The following MTRF1L variants were observed in gnomAD, a reference collection of about 807,000 sequenced individuals.
MTRF1L encodes the protein peptide chain release factor 1-like, mitochondrial.
A neutral mutation model predicts 40.0 loss-of-function variants in MTRF1L; 29 were observed. That is an observed-to-expected ratio of 0.73 (90% confidence interval 0.54 to 0.99). The LOEUF is 0.99. MTRF1L is among the 50% of genes least tolerant of loss of function. The probability of loss-of-function intolerance (pLI) is 0.00; values close to 1 mark genes in which losing one functional copy is unlikely to be tolerated. For synonymous variants in MTRF1L, 150 were observed against 175.8 expected, an observed-to-expected ratio of 0.85 and a Z score of 1.16; for missense variants, 412 against 464.5, an observed-to-expected ratio of 0.89 and a Z score of 1.04.
At chr6:152,991,372 C>A in intron 5 of MTRF1L, 51 bp from the exon 6 acceptor site, 2 of 1,496,464 alleles carry the variant, frequency 1.3e-6, no homozygotes, top group Non-Finnish European at 1.8e-6. Context: ...ATCTTCTTTA[C>A]TTATTATCAA....
intron 4 of MTRF1L, 35 bp from the exon 5 acceptor site, chr6:152,993,009 A>G (rs749672973): frequency 2.6e-6 from 4 of 1,515,786 alleles, no homozygotes; most frequent in Admixed American, 3.3e-5. Flanking sequence ...TTAAAAGATT[A>G]CATGTATCAA....
chr6:152,993,049 G>T, intron 4 of MTRF1L, 75 bp from the exon 5 acceptor site: 2 of 1,037,714 alleles, frequency 1.9e-6, no homozygotes, highest in African/African-American at 1.6e-5. Flanking sequence ...ACCCATTTAT[G>T]AATATACAAC....
chr6:153,002,512 C>T lies in MTRF1L; in HGVS notation c.174G>A (p.Lys58=), dbSNP rs1210350079. ...CCGCCAGCAACTCGGGCCTCCTGAC[C>T]TTCAAATGGGCTTCAGACCCCGCCT... ...ERQAGSEAHL[K]VRRPELLAVI... The change falls in exon 1 of 7, where the codon AAG becomes AAA. Residue 58 remains lysine (K), a synonymous_variant. Transcript: ENST00000367233. 4 of 1,612,666 alleles carry T rather than the reference C, an allele frequency of 2.5e-6. No homozygotes were observed. Among genetic ancestry groups the T allele is most frequent in the Admixed American group, 3.3e-5 (2 of 59,974 alleles).
At chr6:152,997,520 C>A (rs530578222) in intron 2 of MTRF1L, among the ~76,000 whole-genome samples, 110 of 152,140 alleles carry the variant, frequency 7.2e-4, no homozygotes, top group Admixed American at 3.3e-3. Context: ...ATCCTGGAGA[C>A]AAAGTACAAT....
At chr6:152,993,135 T>G (rs1404381596) in intron 4 of MTRF1L, among the ~76,000 whole-genome samples, 161 bp from the exon 5 acceptor site, 1 of 152,156 alleles carries the variant, frequency 6.6e-6, no homozygotes, top group Non-Finnish European at 1.5e-5. Context: ...TTTTAAAACT[T>G]TTTTGCTTTT....
chr6:152,996,894 G>C (rs1304657080), intron 2 of MTRF1L, among the ~76,000 whole-genome samples: 1 of 152,140 alleles, frequency 6.6e-6, no homozygotes, highest in Non-Finnish European at 1.5e-5. Flanking sequence ...TCAAGAAGTT[G>C]TATTTCAAAG....
chr6:153,001,757 C>T (rs963912218), intron 1 of MTRF1L, among the ~76,000 whole-genome samples: 3 of 152,224 alleles, frequency 2.0e-5, no homozygotes, highest in Admixed American at 6.5e-5. Flanking sequence ...ATTGTTTCAA[C>T]TGCCTCCTCC....
chr6:152,996,942 T>C (rs989493747), intron 2 of MTRF1L, among the ~76,000 whole-genome samples: 1 of 152,204 alleles, frequency 6.6e-6, no homozygotes, highest in African/African-American at 2.4e-5. Flanking sequence ...TAACTTGTTA[T>C]AACAAGTCAC....
At chr6:152,993,361 G>GT (rs1211691815) in intron 4 of MTRF1L, among the ~76,000 whole-genome samples, 23 of 151,900 alleles carry the variant, frequency 1.5e-4, no homozygotes, top group Non-Finnish European at 2.6e-4. Flanking sequence ...AAATGGTAGC[G>GT]TGAGAACTGT....
intron 1 of MTRF1L, among the ~76,000 whole-genome samples, chr6:152,999,483 G>C (rs62436127): frequency 0.13 from 19,587 of 152,092 alleles, 1,413 homozygotes; most frequent in Admixed American, 0.17. Flanking sequence ...TTCTAGAAGA[G>C]AAAAACAAAA....
At position 152,990,101 on chromosome 6, in the gene MTRF1L, T is replaced by G. The variant is rs762190365; in HGVS notation, c.943-6A>C. Reference sequence around the variant, plus strand: ...GATCTTCCTTTACTTCCAATCTGTATATAGAGAAAAAGATGAGATGCAGCT... The same window carrying G: ...GATCTTCCTTTACTTCCAATCTGTAGATAGAGAAAAAGATGAGATGCAGCT... On this transcript the variant is annotated splice_region_variant and splice_polypyrimidine_tract_variant and intron_variant, in intron 6 of 6. Transcript: ENST00000367233. 4.3e-6 allele frequency: 7 copies of G among 1,610,982 alleles called. No homozygotes were observed. In the South Asian group the frequency reaches 4.4e-5, roughly 10 times the overall value.
At chr6:152,997,176 T>C (rs1343847696) in intron 2 of MTRF1L, among the ~76,000 whole-genome samples, 4 of 152,150 alleles carry the variant, frequency 2.6e-5, no homozygotes, top group Non-Finnish European at 5.9e-5. Flanking sequence ...AGAGACAAGA[T>C]GATGTTGAAG....
Position 153,002,433 on chromosome 6 carries a change from G to T in MTRF1L, c.253C>A (p.Leu85Met), listed in dbSNP as rs761412668. Reference protein sequence around the residue: ...ERELRETEHLLHDENEDLRKL... With the variant: ...ERELRETEHLMHDENEDLRKL... ...CCCCGGGCCCGACCCTTACCGTGCA[G>T]CAAGTGCTCAGTCTCCCGCAGCTCC... is the stretch of plus-strand genomic sequence containing the variant. The change falls in exon 1 of 7, where the codon CTG (leucine) becomes ATG (methionine). Residue 85 changes from leucine to methionine, a missense_variant. Coordinates refer to ENST00000367233, the MANE Select transcript of MTRF1L (RefSeq NM_019041.7). The T allele has an allele frequency of 9.3e-6, 15 of 1,613,862 alleles. No homozygotes were observed. In the African/African-American group the frequency reaches 1.9e-4, roughly 20 times the overall value.
At chr6:152,993,003 A>G (rs756323698) in intron 4 of MTRF1L, 29 bp from the exon 5 acceptor site, 6 of 1,553,084 alleles carry the variant, frequency 3.9e-6, no homozygotes, top group Non-Finnish European at 5.3e-6. Flanking sequence ...GGGATTTTAA[A>G]AGATTACATG....
At chr6:152,998,045 ATAAAT>A (rs1186791639) in intron 2 of MTRF1L, among the ~76,000 whole-genome samples, 3 of 151,762 alleles carry the variant, frequency 2.0e-5, no homozygotes, top group Non-Finnish European at 1.5e-5. Flanking sequence ...ACTTATGTCA[ATAAAT>A]TAAAGTTTAT....
At position 152,988,284 on chromosome 6, in the gene MTRF1L, C is replaced by T. The variant is rs1778397692; in HGVS notation, c.*1611G>A. ...TGGCCTAGTGATCTCTTAAAGACCC[C>T]ACCTCTTGATGCTGTCACATTGGCA... On this transcript the variant is annotated 3_prime_UTR_variant, in exon 7 of 7. Transcript: ENST00000367233. The T allele has an allele frequency of 2.1e-5, 2 of 94,458 alleles. No homozygotes were observed. The highest frequency in any genetic ancestry group is 2.3e-4 in the Admixed American group (2 of 8,720). 5.9% of individuals were successfully genotyped at this position (94,458 alleles called of 1,614,324 possible).
At chr6:152,994,791 T>C in intron 3 of MTRF1L, 115 bp from the exon 4 acceptor site, 1 of 1,215,720 alleles carries the variant, frequency 8.2e-7, no homozygotes, top group Non-Finnish European at 1.2e-6. Context: ...GAGATGAACA[T>C]GGAGACTGTA....
chr6:152,996,928 G>C (rs372834120), intron 2 of MTRF1L, among the ~76,000 whole-genome samples: 4 of 152,076 alleles, frequency 2.6e-5, no homozygotes, highest in Non-Finnish European at 4.4e-5. Context: ...AAATAAACTC[G>C]TGCTAACTTG....
intron 1 of MTRF1L, among the ~76,000 whole-genome samples, chr6:153,001,802 C>T (rs1778926676): frequency 6.6e-6 from 1 of 152,238 alleles, no homozygotes; most frequent in Non-Finnish European, 1.5e-5. Context: ...CTGGAGAATA[C>T]TCCAATTTAT....
Sources: allele counts gnomAD v4.1 joint callset (sites outside exome capture counted in the v4.1 genomes callset), GRCh38; gene constraint gnomAD v4.1.1; transcripts MANE v1.5; gene names NCBI Gene and HGNC (gene_info 2026-07-23, HGNC 2026-07-21).